ZNF354C: variants seen among roughly 807,000 people sequenced by gnomAD.
ZNF354C encodes the protein KRAB-zinc finger protein synten.
ZNF354C carries 7 observed loss-of-function variants against 12.4 expected under a neutral mutation model. The observed-to-expected ratio is 0.56, with a 90% CI of 0.32 to 1.06. ZNF354C has a LOEUF of 1.06. Ranked by LOEUF, ZNF354C falls within the 50% of genes least tolerant of loss-of-function variation. The pLI is 0.04. For synonymous variants in ZNF354C, 202 were observed against 224.5 expected (o/e 0.90, Z 0.90); for missense variants, 609 against 658.0 (o/e 0.93, Z 0.81).
Position 179,079,255 on chromosome 5 carries a change from A to G in ZNF354C, c.823A>G (p.Asn275Asp). 3 of 1,614,146 alleles carry G rather than the reference A, an allele frequency of 1.9e-6. No homozygotes were observed. The highest frequency in any genetic ancestry group is 8.5e-7 in the Non-Finnish European group (1 of 1,180,024). Residue 275 changes from asparagine to aspartate, a missense_variant, in exon 5 of 5, where the codon AAT becomes GAT. Physicochemically the swap from Asn to Asp is conservative, Grantham distance 23 (BLOSUM62 1). Coordinates refer to ENST00000315475, the MANE Select transcript of ZNF354C (RefSeq NM_014594.3). The surrounding 1 kb of genome is among the most constrained non-coding windows in gnomAD (Gnocchi z 4.2). ...IHTGEKPYKC[N>D]ECEKAFSNSS... Reference sequence around the variant, plus strand: ...TACTGGAGAGAAACCTTACAAGTGTAATGAATGTGAGAAGGCATTTAGCAA... The same window carrying G: ...TACTGGAGAGAAACCTTACAAGTGTGATGAATGTGAGAAGGCATTTAGCAA...
In ZNF354C at chr5:179,083,221, A is replaced by G. The variant is rs1025126071; in HGVS notation, c.*3124A>G. 4 of 286,572 alleles carry G rather than the reference A, an allele frequency of 1.4e-5. No individual in the cohort carries two copies. Among genetic ancestry groups the G allele is most frequent in the Non-Finnish European group, 1.9e-5 (3 of 155,476 alleles). The allele number at this position is 286,572 out of a possible 1,614,324, so 17.8% of individuals were successfully genotyped here. On this transcript the variant is annotated 3_prime_UTR_variant, in exon 5 of 5. Transcript: ENST00000315475. The stretch of plus-strand genomic sequence containing the variant: ...TCTGATTCATAAAAAAACCTATAAG[A>G]GACATTTGGGGGGATATTTGGGGAA...
chr5:179,067,182 G>A (rs1238409620), intron 2 of ZNF354C, among the ~76,000 whole-genome samples: 1 of 152,162 alleles, frequency 6.6e-6, no homozygotes, highest in Non-Finnish European at 1.5e-5. Flanking sequence ...AAAGACTAAA[G>A]GCTATAGAAT....
intron 2 of ZNF354C, among the ~76,000 whole-genome samples, chr5:179,063,999 T>G (rs6886245): frequency 0.053 from 8,011 of 152,222 alleles, 443 homozygotes; most frequent in African/African-American, 0.14. Context: ...AACCAAGACG[T>G]AAAGACCAGC....
At chr5:179,069,845 G>A (rs537447870) in intron 2 of ZNF354C, among the ~76,000 whole-genome samples, 25 of 152,268 alleles carry the variant, frequency 1.6e-4, no homozygotes, top group Non-Finnish European at 2.6e-4. Context: ...CAGCCTGGGC[G>A]ACAGAGCAAG....
chr5:179,065,997 A>C (rs1417090976), intron 2 of ZNF354C, among the ~76,000 whole-genome samples: 1 of 152,132 alleles, frequency 6.6e-6, no homozygotes, highest in Non-Finnish European at 1.5e-5. Flanking sequence ...TGTAGCCCAC[A>C]CTTACGGCCT....
In ZNF354C at chr5:179,081,876, A is replaced by C. The variant is rs1420227793; in HGVS notation, c.*1779A>C. 6.6e-6 allele frequency: 1 copy of C among 152,204 alleles called. No individual in the cohort carries two copies. The highest frequency in any genetic ancestry group is 1.5e-5 in the Non-Finnish European group (1 of 68,034). The allele number at this position is 152,204 out of a possible 1,614,324, so 9.4% of individuals were successfully genotyped here. A position where few individuals can be genotyped will look rare whatever the true frequency, so the allele number is the denominator to read the frequency against. ...TGAAGACTAATGGGGTAATGTCAGA[A>C]GGGAACAGGCGCCAAGTTGAAGGTA... is the stretch of plus-strand genomic sequence containing the variant. On this transcript the variant is annotated 3_prime_UTR_variant, in exon 5 of 5. Transcript: ENST00000315475.
chr5:179,071,033 A>G lies in ZNF354C; in HGVS notation c.28-5412A>G, dbSNP rs148509942. Among the ~76,000 whole-genome samples, 1,010 of 151,378 alleles carry G rather than the reference A, an allele frequency of 6.7e-3. 10 individuals carry two copies. The highest frequency in any genetic ancestry group is 0.022 in the African/African-American group (926 of 41,240). On this transcript the variant is annotated intron_variant, in intron 2 of 4. Coordinates refer to ENST00000315475, the MANE Select transcript of ZNF354C (RefSeq NM_014594.3). ...CTGGCTAATTTTTTTTTGTATTTTT[A>G]GTAGAGACGGCATTTCACTGTGTTA... is the stretch of plus-strand genomic sequence containing the variant.
At position 179,082,803 on chromosome 5, in the gene ZNF354C, C is replaced by T. The variant is rs949627701; in HGVS notation, c.*2706C>T. 8.9e-6 allele frequency: 12 copies of T among 1,352,064 alleles called. No homozygotes were observed. Among genetic ancestry groups the T allele is most frequent in the African/African-American group, 7.2e-5 (5 of 69,490 alleles). 83.8% of individuals were successfully genotyped at this position (1,352,064 alleles called of 1,614,324 possible). Reference sequence around the variant, plus strand: ...ATCATCCAGGGTGATGTTCTTCAAGCGACTGACCAACCGATCAGGTCGAGG... The same window carrying T: ...ATCATCCAGGGTGATGTTCTTCAAGTGACTGACCAACCGATCAGGTCGAGG... On this transcript the variant is annotated 3_prime_UTR_variant, in exon 5 of 5. Transcript: ENST00000315475.
At chr5:179,067,093 AGTTTCTCTGGGTTAG>A (rs1219201645) in intron 2 of ZNF354C, among the ~76,000 whole-genome samples, 6 of 152,248 alleles carry the variant, frequency 3.9e-5, no homozygotes, top group Non-Finnish European at 8.8e-5. Context: ...CATTTCTCAC[AGTTTCTCTGGGTTAG>A]GAATGCAGGT....
chr5:179,071,243 G>A (rs983972282), intron 2 of ZNF354C, among the ~76,000 whole-genome samples: 7 of 152,052 alleles, frequency 4.6e-5, no homozygotes, highest in African/African-American at 1.2e-4. Flanking sequence ...AGGGAGGTGG[G>A]AGGAGATACC....
intron 2 of ZNF354C, among the ~76,000 whole-genome samples, chr5:179,069,805 G>A (rs1294127486): frequency 6.6e-6 from 1 of 151,738 alleles, no homozygotes; most frequent in Non-Finnish European, 1.5e-5. Context: ...GGCGGAGCTT[G>A]CAGTGAGCCG....
At chr5:179,076,000 G>T (rs1762114807) in intron 2 of ZNF354C, among the ~76,000 whole-genome samples, 1 of 152,204 alleles carries the variant, frequency 6.6e-6, no homozygotes. Context: ...TTGAGGTCAG[G>T]CTGTCGGCAG....
At chr5:179,074,167 G>A (rs185710947) in intron 2 of ZNF354C, among the ~76,000 whole-genome samples, 2,126 of 152,078 alleles carry the variant, frequency 0.014, 23 homozygotes, top group Non-Finnish European at 0.019. Context: ...ATTTTTAGTA[G>A]AGATGGGGTT....
At position 179,081,670 on chromosome 5, in the gene ZNF354C, T is replaced by C. The variant is rs1211411184; in HGVS notation, c.*1573T>C. ...TTAAACAGACCTCACTATTTAACAT[T>C]GTACCCAGTAGTGGTGAGCATGCTT... On this transcript the variant is annotated 3_prime_UTR_variant, in exon 5 of 5. Transcript: ENST00000315475. 1 of 152,196 alleles carries C rather than the reference T, an allele frequency of 6.6e-6. No homozygotes were observed. The highest frequency in any genetic ancestry group is 1.5e-5 in the Non-Finnish European group (1 of 68,032). 9.4% of individuals were successfully genotyped at this position (152,196 alleles called of 1,614,324 possible).
At position 179,076,469 on chromosome 5, in the gene ZNF354C, G is replaced by A; in HGVS notation, c.52G>A (p.Ala18Thr). The change falls in exon 3 of 5, where the codon GCC becomes ACC. Residue 18 changes from alanine (A) to threonine (T), a missense_variant. Physicochemically the swap from Ala to Thr is moderately conservative, Grantham distance 58. Transcript: ENST00000315475. ...AQEPVTFRDVAVFFSQDEWLH... is the reference protein window; with the variant it reads ...AQEPVTFRDVTVFFSQDEWLH... ...GGAGCCTGTGACATTCAGGGATGTG[G>A]CCGTGTTCTTCAGCCAGGACGAGTG... The A allele has an allele frequency of 6.2e-7, 1 of 1,614,216 alleles. No individual in the cohort carries two copies. Among genetic ancestry groups the A allele is most frequent in the Non-Finnish European group, 8.5e-7 (1 of 1,180,042 alleles).
rs903072518 is a variant in ZNF354C, at chr5:179,060,461, T to C, written c.-260T>C. 3 of 152,276 alleles carry C rather than the reference T, an allele frequency of 2.0e-5. No individual in the cohort carries two copies. Among genetic ancestry groups the C allele is most frequent in the African/African-American group, 4.8e-5 (2 of 41,452 alleles). The allele number at this position is 152,276 out of a possible 1,614,324, so 9.4% of individuals were successfully genotyped here. On this transcript the variant is annotated 5_prime_UTR_variant, in exon 1 of 5. Transcript: ENST00000315475. This position sits in a 1 kb window ranked among gnomAD's most constrained non-coding sequence, Gnocchi z 4.2. ...TGGGCCATCCAGGCTTGGCTAGGAT[T>C]GCCGGCCTGGGGTTGAGGCGCTCGC... is the stretch of plus-strand genomic sequence containing the variant.
intron 2 of ZNF354C, 125 bp from the exon 3 acceptor site, chr5:179,076,320 C>A: frequency 7.0e-7 from 1 of 1,429,306 alleles, no homozygotes; most frequent in Admixed American, 2.0e-5. Context: ...CCAAAAATTA[C>A]GTAAACAGTT....
At chr5:179,075,888 T>C (rs1367738973) in intron 2 of ZNF354C, among the ~76,000 whole-genome samples, 1 of 152,276 alleles carries the variant, frequency 6.6e-6, no homozygotes, top group Non-Finnish European at 1.5e-5. Context: ...TTCTTTCTTA[T>C]TGCTGCTGTA....
Position 179,080,184 on chromosome 5 carries a change from T to A in ZNF354C, c.*87T>A. Reference sequence around the variant, plus strand: ...AAACTCCTAATAGATTTGTCTTTTTTACTTCTCCTGAAGGAAATATGTTAG... The same window carrying A: ...AAACTCCTAATAGATTTGTCTTTTTAACTTCTCCTGAAGGAAATATGTTAG... On this transcript the variant is annotated 3_prime_UTR_variant, in exon 5 of 5. Coordinates refer to ENST00000315475, the MANE Select transcript of ZNF354C (RefSeq NM_014594.3). 2 of 1,032,522 alleles carry A rather than the reference T, an allele frequency of 1.9e-6. No homozygotes were observed. The highest frequency in any genetic ancestry group is 1.4e-6 in the Non-Finnish European group (1 of 721,280). The allele number at this position is 1,032,522 out of a possible 1,614,324, so 64.0% of individuals were successfully genotyped here.
Sources: allele counts gnomAD v4.1 joint callset (sites outside exome capture counted in the v4.1 genomes callset), GRCh38; gene constraint gnomAD v4.1.1; non-coding constraint Gnocchi (gnomAD v3.1); transcripts MANE v1.5; gene names NCBI Gene and HGNC (gene_info 2026-07-23, HGNC 2026-07-21).